Variants in MEF2A observed in about 807,000 individuals in gnomAD.
The protein encoded by MEF2A is myocyte enhancer factor 2A.
MEF2A carries 28 observed loss-of-function variants against 55.8 expected under a neutral mutation model. That is an observed-to-expected ratio of 0.50 (90% CI 0.37 to 0.69). MEF2A has a LOEUF of 0.69. Among genes scored for constraint, MEF2A ranks in the 30% least tolerant of loss-of-function variants. The probability of loss-of-function intolerance (pLI) is 0.00; values close to 1 mark genes in which losing one functional copy is unlikely to be tolerated. For synonymous variants in MEF2A, 239 were observed against 227.1 expected (o/e 1.05, Z -0.47); for missense variants, 528 against 626.2 (o/e 0.84, Z 1.67).
At chr15:99,583,023 T>C (rs756404754) in intron 1 of MEF2A, among the ~76,000 whole-genome samples, 2 of 152,152 alleles carry the variant, frequency 1.3e-5, no homozygotes, top group Non-Finnish European at 2.9e-5. Context: ...AACTCATTTT[T>C]CTTTTAAGAT....
At chr15:99,565,735 G>C (rs965491175), upstream of MEF2A, 4 of 152,424 alleles carry the variant, frequency 2.6e-5, no homozygotes, top group African/African-American at 9.7e-5. Flanking sequence ...AATAGCGCCC[G>C]CTTCCAAGCA....
rs115958744 is a variant in MEF2A, at chr15:99,685,421, G to T, written c.671-4820G>T. 6.6e-3 allele frequency among the ~76,000 whole-genome samples: 1,004 copies of T among 151,608 alleles called. 12 individuals are homozygous for T. The highest frequency in any genetic ancestry group is 0.023 in the African/African-American group (956 of 41,252). ...TAGAAATTTTTCACCTCCTTGGTTAGTTATGTTCCTAAGTATTTTTTTTTT... is the reference window on the plus strand; with the variant it reads ...TAGAAATTTTTCACCTCCTTGGTTATTTATGTTCCTAAGTATTTTTTTTTT... On this transcript the variant is annotated intron_variant, in intron 7 of 11. Transcript: ENST00000557942.
chr15:99,610,427 ACCCC>A (rs1567221026), intron 2 of MEF2A, among the ~76,000 whole-genome samples: 28 of 67,548 alleles, frequency 4.1e-4, no homozygotes, highest in Non-Finnish European at 4.8e-4. Context: ...CCCCCCCCCC[ACCCC>A]CCCCCGAAAT....
chr15:99,672,391 C>T (rs1204566918), intron 5 of MEF2A, among the ~76,000 whole-genome samples: 1 of 152,182 alleles, frequency 6.6e-6, no homozygotes, highest in Non-Finnish European at 1.5e-5. Context: ...GAGTATTTTT[C>T]TTTGAGCTCA....
chr15:99,641,132 A>G (rs1246094817), intron 3 of MEF2A, among the ~76,000 whole-genome samples: 2 of 152,200 alleles, frequency 1.3e-5, no homozygotes, highest in African/African-American at 4.8e-5. Flanking sequence ...AGCTCCACAC[A>G]GAGCCCCCCA....
At chr15:99,661,415 T>G (rs1487789521) in intron 4 of MEF2A, among the ~76,000 whole-genome samples, 2 of 135,164 alleles carry the variant, frequency 1.5e-5, no homozygotes, top group Admixed American at 7.2e-5. Flanking sequence ...AGATAAGCGT[T>G]TTTTTTTTTT....
At chr15:99,568,294 A>T (rs896343380) in intron 1 of MEF2A, among the ~76,000 whole-genome samples, 4 of 152,290 alleles carry the variant, frequency 2.6e-5, no homozygotes, top group Middle Eastern at 3.4e-3. Context: ...CTGTATTCTT[A>T]GAGTTTGTTT....
At chr15:99,610,273 A>G (rs1976677108) in intron 2 of MEF2A, among the ~76,000 whole-genome samples, 1 of 152,162 alleles carries the variant, frequency 6.6e-6, no homozygotes, top group Non-Finnish European at 1.5e-5. Flanking sequence ...ATTGACAGAA[A>G]TTAAAGAAGA....
intron 4 of MEF2A, among the ~76,000 whole-genome samples, chr15:99,664,240 TAAGGGATAGAAACCCATTTA>T (rs1156393945): frequency 6.6e-5 from 10 of 152,218 alleles, no homozygotes; most frequent in Admixed American, 1.3e-4. Flanking sequence ...TCTTTGATTA[TAAGGGATAGAAACCCATTTA>T]AAGTAGCTCC....
chr15:99,648,801 G>A (rs1374318954), intron 4 of MEF2A, among the ~76,000 whole-genome samples: 3 of 152,130 alleles, frequency 2.0e-5, no homozygotes, highest in Non-Finnish European at 2.9e-5. Context: ...TTGAGGATGT[G>A]CTGTGAGGAT....
intron 7 of MEF2A, among the ~76,000 whole-genome samples, chr15:99,676,039 C>CA (rs538248724): frequency 0.017 from 2,018 of 115,414 alleles, 18 homozygotes; most frequent in African/African-American, 0.037. Flanking sequence ...GACTCCTTCT[C>CA]AAAAAAAAAA....
chr15:99,686,549 A>G (rs991769675), intron 7 of MEF2A, among the ~76,000 whole-genome samples: 4 of 152,160 alleles, frequency 2.6e-5, no homozygotes, highest in African/African-American at 9.7e-5. Context: ...TAGGACCCCA[A>G]TCTCTTCTGG....
chr15:99,702,339 TACTC>T (rs757549099), intron 8 of MEF2A, among the ~76,000 whole-genome samples: 6 of 152,146 alleles, frequency 3.9e-5, no homozygotes, highest in African/African-American at 7.2e-5. Context: ...AAGCTTAACT[TACTC>T]AAGTAAAACA....
intron 4 of MEF2A, among the ~76,000 whole-genome samples, chr15:99,670,560 A>G (rs980899023): frequency 3.3e-5 from 5 of 152,178 alleles, no homozygotes; most frequent in African/African-American, 1.2e-4. Context: ...CAGTGAGCCA[A>G]CATCGTGCCA....
intron 1 of MEF2A, among the ~76,000 whole-genome samples, chr15:99,588,262 G>A (rs907936093): frequency 1.6e-4 from 25 of 151,824 alleles, no homozygotes; most frequent in African/African-American, 1.5e-4. Context: ...GACCACAGGC[G>A]TGTGCCACCA....
chr15:99,669,796 AAGG>A (rs1293604175), intron 4 of MEF2A, among the ~76,000 whole-genome samples: 5 of 152,228 alleles, frequency 3.3e-5, no homozygotes, highest in African/African-American at 4.8e-5. Context: ...TTCAAGAAAA[AAGG>A]AGTAAAATAA....
At chr15:99,637,290 T>A (rs984204766) in intron 3 of MEF2A, among the ~76,000 whole-genome samples, 11 of 152,210 alleles carry the variant, frequency 7.2e-5, no homozygotes, top group African/African-American at 2.4e-4. Flanking sequence ...CTTTACAGTG[T>A]CAAGTCTTGT....
intron 1 of MEF2A, among the ~76,000 whole-genome samples, chr15:99,590,894 G>A (rs1969050204): frequency 1.3e-5 from 2 of 152,000 alleles, no homozygotes; most frequent in Admixed American, 6.5e-5. Flanking sequence ...AATTTGTCAC[G>A]TTTACCATTT....
chr15:99,706,657 TAAATTG>T (rs1359769697), intron 9 of MEF2A, 66 bp from the exon 10 acceptor site: 45 of 1,549,762 alleles, frequency 2.9e-5, no homozygotes, highest in Non-Finnish European at 3.9e-5. Flanking sequence ...AAATGTCACT[TAAATTG>T]AAAGTGATTT....
Sources: allele counts gnomAD v4.1 joint callset (sites outside exome capture counted in the v4.1 genomes callset), GRCh38; gene constraint gnomAD v4.1.1; transcripts MANE v1.5; gene names NCBI Gene and HGNC (gene_info 2026-07-23, HGNC 2026-07-21).